Variants in CDK14 observed in about 807,000 individuals in gnomAD.
CDK14 encodes the protein cyclin dependent kinase 14.
Under a neutral mutation model 60.7 loss-of-function variants are expected in CDK14, and 34 were observed. The observed-to-expected ratio is 0.56, with a 90% CI of 0.43 to 0.75. The LOEUF is 0.75. Ranked by LOEUF, CDK14 falls within the 30% of genes least tolerant of loss-of-function variation. The pLI, the probability that CDK14 is intolerant of heterozygous loss-of-function variation, is 0.00. For missense variants in CDK14, 482 were observed against 564.1 expected (o/e 0.85, Z 1.47); for synonymous variants, 197 against 203.7 (o/e 0.97, Z 0.28).
rs1393360716 is a variant in CDK14 at position 91,209,083 on chromosome 7, A to ATCAT, written c.*1953_*1956dup. ...TGGACTTTCCTGTGATTTGTTTTTA[A>ATCAT]TCATTCATTTGGAGAAGAGGCATGA... is the stretch of plus-strand genomic sequence containing the variant. On this transcript the variant is annotated 3_prime_UTR_variant, in exon 15 of 15. Transcript: ENST00000380050. 1 of 152,586 alleles carries ATCAT rather than the reference A, an allele frequency of 6.6e-6. No individual in the cohort carries two copies. Among genetic ancestry groups the ATCAT allele is most frequent in the Non-Finnish European group, 1.5e-5 (1 of 68,034 alleles). The allele number at this position is 152,586 out of a possible 1,614,324, so 9.5% of individuals were successfully genotyped here.
intron 10 of CDK14, among the ~76,000 whole-genome samples, chr7:91,033,144 A>G (rs1489478612): frequency 6.6e-6 from 1 of 152,114 alleles, no homozygotes; most frequent in Admixed American, 6.5e-5. Context: ...GAGCATTTTT[A>G]TTATTATGTC....
intron 2 of CDK14, among the ~76,000 whole-genome samples, chr7:90,639,556 G>C (rs750200830): frequency 6.6e-6 from 1 of 152,008 alleles, no homozygotes; most frequent in East Asian, 1.9e-4. Context: ...GTGCCTCCCA[G>C]TTAGGCTGCT....
At chr7:90,878,961 T>A (rs1791653833) in intron 6 of CDK14, among the ~76,000 whole-genome samples, 1 of 152,238 alleles carries the variant, frequency 6.6e-6, no homozygotes, top group Non-Finnish European at 1.5e-5. Flanking sequence ...ATTTGCCTAA[T>A]GTAGAAGACC....
At chr7:90,821,186 C>T (rs1789532862) in intron 5 of CDK14, among the ~76,000 whole-genome samples, 1 of 152,102 alleles carries the variant, frequency 6.6e-6, no homozygotes, top group Non-Finnish European at 1.5e-5. Context: ...ATCATGTTCC[C>T]TGGAAACCTA....
chr7:90,893,309 A>G (rs1792195631), intron 6 of CDK14, among the ~76,000 whole-genome samples: 1 of 152,232 alleles, frequency 6.6e-6, no homozygotes, highest in South Asian at 2.1e-4. Context: ...GAAAGAGGAG[A>G]TGTTAGCCCA....
chr7:90,805,329 A>G (rs1788782055), intron 5 of CDK14, among the ~76,000 whole-genome samples: 1 of 152,136 alleles, frequency 6.6e-6, no homozygotes, highest in African/African-American at 2.4e-5. Flanking sequence ...AATAAAGTTT[A>G]AAAATCACAT....
At chr7:91,133,697 G>A (rs764803373) in intron 14 of CDK14, among the ~76,000 whole-genome samples, 6 of 152,040 alleles carry the variant, frequency 3.9e-5, no homozygotes, top group Non-Finnish European at 5.9e-5. Flanking sequence ...TGGTTTTACC[G>A]ATTTTATTGT....
chr7:90,792,751 T>C (rs1178202828), intron 5 of CDK14, among the ~76,000 whole-genome samples: 3 of 152,182 alleles, frequency 2.0e-5, no homozygotes, highest in Non-Finnish European at 4.4e-5. Flanking sequence ...TACTATCCCT[T>C]CTCTACTCTG....
At chr7:90,949,611 C>T (rs1157831281) in intron 8 of CDK14, among the ~76,000 whole-genome samples, 1 of 152,064 alleles carries the variant, frequency 6.6e-6, no homozygotes, top group Non-Finnish European at 1.5e-5. Context: ...TCAAATATTA[C>T]CTTAACATGT....
intron 9 of CDK14, among the ~76,000 whole-genome samples, chr7:90,964,218 T>C (rs1794689106): frequency 6.6e-6 from 1 of 152,178 alleles, no homozygotes; most frequent in Non-Finnish European, 1.5e-5. Context: ...AGTTTTCATA[T>C]ATGAGAACCC....
chr7:90,711,729 C>A lies in CDK14; in HGVS notation c.124-14838C>A, dbSNP rs184274368. On this transcript the variant is annotated intron_variant, in intron 2 of 14. Transcript: ENST00000380050. Reference sequence around the variant, plus strand: ...TTAGTATTTTCCCCTGGAATACGCCCCATTATACTTTCTCATGGATAGTCA... The same window carrying A: ...TTAGTATTTTCCCCTGGAATACGCCACATTATACTTTCTCATGGATAGTCA... Among the ~76,000 whole-genome samples the A allele has an allele frequency of 1.5e-3, 221 of 152,134 alleles. 3 individuals carry two copies. The highest frequency in any genetic ancestry group is 4.8e-3 in the South Asian group (23 of 4,818).
rs574104233 is a variant in CDK14, at chr7:91,076,236, A to G, written c.1106-3196A>G. Among the ~76,000 whole-genome samples, 24 of 126,836 alleles carry G rather than the reference A, an allele frequency of 1.9e-4. No individual in the cohort carries two copies. In the South Asian group the frequency reaches 6.2e-3, roughly 33 times the overall value. 83.2% of individuals were successfully genotyped at this position (126,836 alleles called of 152,430 possible). A position where few individuals can be genotyped will look rare whatever the true frequency, so the allele number is the denominator to read the frequency against. Reference sequence around the variant, plus strand: ...ACTTCAAACTATACTACAGTGCTACAGTAACCAAAAAAAAAAAAAAAAAAA... The same window carrying G: ...ACTTCAAACTATACTACAGTGCTACGGTAACCAAAAAAAAAAAAAAAAAAA... On this transcript the variant is annotated intron_variant, in intron 11 of 14. Coordinates refer to ENST00000380050, the MANE Select transcript of CDK14 (RefSeq NM_001287135.2).
At chr7:90,763,197 C>T (rs1804397182) in intron 4 of CDK14, among the ~76,000 whole-genome samples, 2 of 152,140 alleles carry the variant, frequency 1.3e-5, no homozygotes, top group South Asian at 4.1e-4. Flanking sequence ...ATGGACAAAT[C>T]CACTATGGTG....
At chr7:91,128,034 A>T (rs971467013) in intron 14 of CDK14, among the ~76,000 whole-genome samples, 2 of 152,052 alleles carry the variant, frequency 1.3e-5, no homozygotes, top group Non-Finnish European at 2.9e-5. Flanking sequence ...TGGCGTGGAG[A>T]TCTTCATCTT....
At chr7:91,035,833 C>CTTTTT (rs34091498) in intron 10 of CDK14, among the ~76,000 whole-genome samples, 26 of 99,238 alleles carry the variant, frequency 2.6e-4, no homozygotes, top group South Asian at 3.9e-4. Context: ...GCTTCATGGT[C>CTTTTT]TTTTTTTTTT....
At chr7:90,883,251 A>T (rs1562811997) in intron 6 of CDK14, among the ~76,000 whole-genome samples, 1 of 152,320 alleles carries the variant, frequency 6.6e-6, no homozygotes, top group South Asian at 2.1e-4. Context: ...ACAATAAAAA[A>T]TGTTAAAGGG....
intron 2 of CDK14, among the ~76,000 whole-genome samples, chr7:90,629,229 G>T (rs538275696): frequency 1.3e-5 from 2 of 152,188 alleles, no homozygotes; most frequent in African/African-American, 4.8e-5. Context: ...GTTAATAAAA[G>T]AATTTTAGTA....
At chr7:90,931,120 A>T (rs1480866384) in intron 8 of CDK14, among the ~76,000 whole-genome samples, 2 of 152,192 alleles carry the variant, frequency 1.3e-5, no homozygotes, top group Non-Finnish European at 2.9e-5. Flanking sequence ...GCTATAAATG[A>T]GCTCCTTGAT....
At chr7:90,610,832 C>T (rs1045282763) in intron 2 of CDK14, among the ~76,000 whole-genome samples, 5 of 152,196 alleles carry the variant, frequency 3.3e-5, no homozygotes, top group African/African-American at 7.2e-5. Flanking sequence ...GTACGACCCC[C>T]TTTTCAAAAT....
Sources: allele counts gnomAD v4.1 joint callset (sites outside exome capture counted in the v4.1 genomes callset), GRCh38; gene constraint gnomAD v4.1.1; transcripts MANE v1.5; gene names NCBI Gene and HGNC (gene_info 2026-07-23, HGNC 2026-07-21).